Variants in ZNF362 observed in about 807,000 individuals in gnomAD.
The protein encoded by ZNF362 is rotund homolog.
A neutral mutation model predicts 42.9 loss-of-function variants in ZNF362; 11 were observed. That is an observed-to-expected ratio of 0.26 (90% CI 0.16 to 0.42). ZNF362 has a LOEUF of 0.42. Among genes scored for constraint, ZNF362 ranks in the 20% least tolerant of loss-of-function variants. The pLI is 1.00. For missense variants in ZNF362, 362 were observed against 576.2 expected, an observed-to-expected ratio of 0.63 and a Z score of 3.81; for synonymous variants, 255 against 257.3, an observed-to-expected ratio of 0.99 and a Z score of 0.09.
the ZNF362 span, among the ~76,000 whole-genome samples, chr1:33,227,755 A>G: frequency 6.6e-6 from 1 of 152,108 alleles, no homozygotes; most frequent in African/African-American, 2.4e-5. Flanking sequence ...TGGCTCTACC[A>G]TTCCTGTTTC....
At chr1:33,155,018 G>A in the ZNF362 span, among the ~76,000 whole-genome samples, 246 of 142,090 alleles carry the variant, frequency 1.7e-3, 2 homozygotes, top group Non-Finnish European at 2.6e-3. Flanking sequence ...GCGTGAACCC[G>A]GGAGGCAGAC....
At chr1:33,153,657 G>C in the ZNF362 span, among the ~76,000 whole-genome samples, 1 of 152,276 alleles carries the variant, frequency 6.6e-6, no homozygotes, top group East Asian at 1.9e-4. Flanking sequence ...CCTTATGAGG[G>C]AGTTGAGAAG....
upstream of ZNF362, among the ~76,000 whole-genome samples, chr1:33,255,566 G>A (rs1034986770): frequency 1.3e-5 from 2 of 152,156 alleles, no homozygotes; most frequent in African/African-American, 4.8e-5. Context: ...TGACTGATTG[G>A]CTGGGGAGGG....
the ZNF362 span, among the ~76,000 whole-genome samples, chr1:33,210,666 T>C: frequency 6.6e-6 from 1 of 152,162 alleles, no homozygotes; most frequent in Non-Finnish European, 1.5e-5. Flanking sequence ...ATTGATCCCT[T>C]TACCACTATG....
the ZNF362 span, among the ~76,000 whole-genome samples, chr1:33,151,296 G>A: frequency 2.6e-5 from 4 of 152,074 alleles, no homozygotes; most frequent in African/African-American, 9.7e-5. Context: ...GCCGGCCTAG[G>A]GGCAGGGCCT....
At chr1:33,213,691 A>G in the ZNF362 span, among the ~76,000 whole-genome samples, 1 of 152,120 alleles carries the variant, frequency 6.6e-6, no homozygotes, top group Non-Finnish European at 1.5e-5. Flanking sequence ...CTAAAAATAT[A>G]AAAATTAACT....
chr1:33,254,191 A>G (rs1645773596), upstream of ZNF362, among the ~76,000 whole-genome samples: 1 of 151,860 alleles, frequency 6.6e-6, no homozygotes, highest in South Asian at 2.1e-4. Flanking sequence ...CAGTGGCCCA[A>G]TCTCGGCTCA....
At chr1:33,181,722 T>G in the ZNF362 span, 1 of 426,450 alleles carries the variant, frequency 2.3e-6, no homozygotes, top group Non-Finnish European at 4.2e-6. This position sits in a 1 kb window ranked among gnomAD's most constrained non-coding sequence, Gnocchi z 6.5. Flanking sequence ...GGGACGGAGA[T>G]CCTGACGGGG....
chr1:33,138,894 G>C, the ZNF362 span, among the ~76,000 whole-genome samples: 1 of 152,148 alleles, frequency 6.6e-6, no homozygotes, highest in African/African-American at 2.4e-5. Context: ...CAGGGGAAAG[G>C]GTTGGGCTTC....
the ZNF362 span, chr1:33,147,630 C>T: frequency 6.2e-7 from 1 of 1,614,042 alleles, no homozygotes; most frequent in South Asian, 1.1e-5. This position sits in a 1 kb window ranked among gnomAD's most constrained non-coding sequence, Gnocchi z 8.1. Context: ...CCTGCAGTGG[C>T]TGTGGGTGCA....
chr1:33,275,211 T>C, intron 2 of ZNF362: 1 of 985,382 alleles, frequency 1.0e-6, no homozygotes, highest in Non-Finnish European at 1.2e-6. Flanking sequence ...TGACTTACTC[T>C]AGGGTAGCAG....
chr1:33,280,506 T>C lies in ZNF362; in HGVS notation c.683+49T>C, dbSNP rs1645985385. ...TCCGAGTGGGCTTGGGGCTGGGGCT[T>C]GAGCCAGGGCTGCTCCAGGAGCCCA... On this transcript the variant is annotated intron_variant, in intron 5 of 8. Coordinates refer to ENST00000539719, the MANE Select transcript of ZNF362 (RefSeq NM_152493.3). This position sits in a 1 kb window ranked among gnomAD's most constrained non-coding sequence, Gnocchi z 5.6. 2.0e-6 allele frequency: 3 copies of C among 1,500,606 alleles called. No individual in the cohort carries two copies. The highest frequency in any genetic ancestry group is 1.8e-6 in the Non-Finnish European group (2 of 1,118,720). The allele number at this position is 1,500,606 out of a possible 1,614,324, so 93.0% of individuals were successfully genotyped here.
At chr1:33,275,364 T>C in intron 2 of ZNF362, 1 of 985,498 alleles carries the variant, frequency 1.0e-6, no homozygotes, top group Non-Finnish European at 1.2e-6. Context: ...CACACACTTT[T>C]ACCAAAGAGC....
the ZNF362 span, among the ~76,000 whole-genome samples, chr1:33,249,304 C>G: frequency 6.6e-6 from 1 of 152,186 alleles, no homozygotes; most frequent in Non-Finnish European, 1.5e-5. Flanking sequence ...GCTTGTGTGG[C>G]TGGAGCACCG....
chr1:33,137,235 G>T, the ZNF362 span, among the ~76,000 whole-genome samples: 6,751 of 152,150 alleles, frequency 0.044, 361 homozygotes, highest in African/African-American at 0.13. Context: ...GCACAGGTTT[G>T]GGAGTCACAC....
At chr1:33,136,997 C>CA in the ZNF362 span, among the ~76,000 whole-genome samples, 3,989 of 119,250 alleles carry the variant, frequency 0.033, 59 homozygotes, top group Non-Finnish European at 0.042. Flanking sequence ...ACTCAGTCTC[C>CA]AAAAAAAAAA....
chr1:33,138,626 CAAAAAA>C, the ZNF362 span, among the ~76,000 whole-genome samples: 1 of 66,102 alleles, frequency 1.5e-5, no homozygotes, highest in African/African-American at 4.7e-5. Context: ...ACAACAACAA[CAAAAAA>C]AAAAAAAAAA....
chr1:33,136,903 A>G, the ZNF362 span, among the ~76,000 whole-genome samples: 1 of 151,738 alleles, frequency 6.6e-6, no homozygotes, highest in Non-Finnish European at 1.5e-5. Context: ...AGGCTGAGAC[A>G]GGATAATTGC....
chr1:33,146,074 T>A, the ZNF362 span: 4 of 352,198 alleles, frequency 1.1e-5, no homozygotes, highest in South Asian at 6.5e-5. Flanking sequence ...TTCCTGCAGA[T>A]GGGGGCAGCT....
Sources: gnomAD v4.1 joint callset for allele counts (sites outside exome capture counted in the v4.1 genomes callset) on GRCh38, gnomAD v4.1.1 for gene constraint, Gnocchi (gnomAD v3.1) non-coding constraint, MANE v1.5 for transcripts, NCBI Gene and HGNC (gene_info 2026-07-23, HGNC 2026-07-21) for gene names.